Variants in RIC3 observed in about 807,000 individuals in gnomAD.
RIC3 encodes the protein protein RIC-3.
A neutral mutation model predicts 27.3 loss-of-function variants in RIC3; 28 were observed. The observed-to-expected ratio is 1.02, with a 90% CI of 0.76 to 1.41. The LOEUF (loss-of-function observed/expected upper bound fraction) is 1.41. Among genes scored for constraint, RIC3 ranks in the 40% most tolerant of loss-of-function variants. The pLI is 0.00. For synonymous variants in RIC3, 184 were observed against 160.4 expected (o/e 1.15, Z -1.11); for missense variants, 501 against 444.7 (o/e 1.13, Z -1.14).
the RIC3 span, chr11:8,095,412 T>C: frequency 4.2e-6 from 6 of 1,420,384 alleles, no homozygotes; most frequent in Admixed American, 1.3e-4. Context: ...TCCCCACTCT[T>C]CCCTCATCCC....
At chr11:8,141,448 G>A (rs1949058732) in intron 1 of RIC3, among the ~76,000 whole-genome samples, 1 of 152,102 alleles carries the variant, frequency 6.6e-6, no homozygotes, top group African/African-American at 2.4e-5. Flanking sequence ...TTACATAATG[G>A]TAAAGGATCA....
chr11:8,146,452 CAAG>C (rs1280774450), intron 1 of RIC3, among the ~76,000 whole-genome samples: 2 of 152,080 alleles, frequency 1.3e-5, no homozygotes, highest in African/African-American at 2.4e-5. Context: ...AAGAATAAAA[CAAG>C]AAAGTAAACT....
At chr11:8,126,861 G>C in intron 4 of RIC3, 54 bp from the exon 5 acceptor site, 1 of 1,600,712 alleles carries the variant, frequency 6.2e-7, no homozygotes, top group Non-Finnish European at 8.5e-7. Context: ...CTAGGCAATG[G>C]ACGTAAACAT....
intron 4 of RIC3, chr11:8,135,580 G>T (rs551716931): frequency 6.6e-6 from 1 of 152,284 alleles, no homozygotes; most frequent in East Asian, 1.9e-4. Context: ...GGGCAGTATG[G>T]CCATTTTCAC....
chr11:8,128,615 A>G (rs902361980), intron 4 of RIC3, among the ~76,000 whole-genome samples: 5 of 152,070 alleles, frequency 3.3e-5, no homozygotes, highest in Admixed American at 1.3e-4. Context: ...TATAGACACA[A>G]TGCCATGATC....
At chr11:8,147,789 G>A (rs1047331128) in intron 1 of RIC3, among the ~76,000 whole-genome samples, 11 of 149,584 alleles carry the variant, frequency 7.4e-5, no homozygotes, top group Admixed American at 5.4e-4. Flanking sequence ...GTGCAGTGGC[G>A]CGATCTCGGC....
the RIC3 span, among the ~76,000 whole-genome samples, chr11:8,093,477 T>C: frequency 4.6e-5 from 7 of 152,164 alleles, no homozygotes; most frequent in Non-Finnish European, 1.0e-4. Context: ...TTCTGCAGTA[T>C]GGAGAATTTG....
the RIC3 span, chr11:8,097,945 G>A: frequency 1.4e-6 from 1 of 732,584 alleles, no homozygotes; most frequent in East Asian, 2.6e-5. Context: ...ACTCTCCCAG[G>A]ATCCTCTCTG....
chr11:8,165,604 G>A (rs370976243), intron 1 of RIC3, among the ~76,000 whole-genome samples: 36 of 151,790 alleles, frequency 2.4e-4, no homozygotes, highest in African/African-American at 7.7e-4. Flanking sequence ...TTCTAAAATT[G>A]GTTGTAGTGA....
the RIC3 span, chr11:8,100,641 C>T: frequency 1.3e-6 from 2 of 1,590,952 alleles, no homozygotes; most frequent in African/African-American, 1.3e-5. Flanking sequence ...CCCCATCATC[C>T]TAGTCTCTGC....
chr11:8,112,357 A>C (rs1475556169), intron 5 of RIC3, among the ~76,000 whole-genome samples: 1 of 149,504 alleles, frequency 6.7e-6, no homozygotes, highest in Non-Finnish European at 1.5e-5. Context: ...GCAGTGGTGC[A>C]ATCTCGGTTC....
chr11:8,131,087 C>A (rs1477451047), intron 4 of RIC3, among the ~76,000 whole-genome samples: 2 of 147,774 alleles, frequency 1.4e-5, no homozygotes, highest in Non-Finnish European at 3.0e-5. Context: ...TGACCTGTAT[C>A]AAAAATAGGC....
intron 5 of RIC3, 45 bp from the exon 6 acceptor site, chr11:8,111,182 A>C (rs1246618243): frequency 6.9e-6 from 1 of 145,444 alleles, no homozygotes; most frequent in Non-Finnish European, 9.6e-6. Context: ...ATGTCTCCTC[A>C]AAAAAAAAAA....
At chr11:8,145,961 G>A (rs2134017295) in intron 1 of RIC3, among the ~76,000 whole-genome samples, 1 of 152,192 alleles carries the variant, frequency 6.6e-6, no homozygotes, top group East Asian at 1.9e-4. Context: ...ATTCTGCCTA[G>A]TGATCTGGCT....
Position 8,110,811 on chromosome 11 carries a change from T to C in RIC3, c.997A>G (p.Thr333Ala), listed in dbSNP as rs761093697. Reference sequence around the variant, plus strand: ...TCTTGGGACCACTCTTCTTTGGTGGTTTCCTCTTGCTCAGGGTAGCTATCT... The same window carrying C: ...TCTTGGGACCACTCTTCTTTGGTGGCTTCCTCTTGCTCAGGGTAGCTATCT... The part of the protein sequence containing the change: ...SADSYPEQEE[T>A]TKEEWSQDFK... The change falls in exon 6 of 6, where the codon ACC (threonine) becomes GCC (alanine). Residue 333 changes from threonine (T) to alanine (A), a missense_variant. By Grantham distance (58) the Thr-to-Ala change is moderately conservative. Transcript: ENST00000309737. 1.4e-5 allele frequency: 22 copies of C among 1,614,110 alleles called. No individual in the cohort carries two copies. The East Asian group carries it at 3.1e-4, about 23-fold the overall frequency.
chr11:8,166,939 G>A (rs1590451852), intron 1 of RIC3, among the ~76,000 whole-genome samples: 2 of 152,130 alleles, frequency 1.3e-5, no homozygotes, highest in East Asian at 1.9e-4. Flanking sequence ...GGGAGGGACA[G>A]AGGGAGGAAG....
intron 4 of RIC3, chr11:8,128,364 G>A: frequency 2.3e-6 from 1 of 433,366 alleles, no homozygotes; most frequent in Non-Finnish European, 4.6e-6. Flanking sequence ...CCTAAAAGAG[G>A]ATGGGTAGAC....
In RIC3 at chr11:8,126,187, G is replaced by C. The variant is rs114812445; in HGVS notation, c.670+472C>G. Reference sequence around the variant, plus strand: ...TTGAGTCATAAGAGTGCAAAGCTAGGAATAACCCAAACGCTCCTCAACTGG... The same window carrying C: ...TTGAGTCATAAGAGTGCAAAGCTAGCAATAACCCAAACGCTCCTCAACTGG... On this transcript the variant is annotated intron_variant, in intron 5 of 5. Transcript: ENST00000309737. Among the ~76,000 whole-genome samples, 960 of 152,210 alleles carry C rather than the reference G, an allele frequency of 6.3e-3. 12 individuals carry two copies. Among genetic ancestry groups the C allele is most frequent in the African/African-American group, 0.023 (934 of 41,506 alleles).
At chr11:8,112,525 C>A (rs1310642694) in intron 5 of RIC3, among the ~76,000 whole-genome samples, 1 of 152,148 alleles carries the variant, frequency 6.6e-6, no homozygotes, top group Non-Finnish European at 1.5e-5. Flanking sequence ...AAACTCCTGA[C>A]CTCAGGTGAT....
Sources: allele counts gnomAD v4.1 joint callset (sites outside exome capture counted in the v4.1 genomes callset), GRCh38; gene constraint gnomAD v4.1.1; transcripts MANE v1.5; gene names NCBI Gene and HGNC (gene_info 2026-07-23, HGNC 2026-07-21).